GPHN: variants seen among roughly 807,000 people sequenced by gnomAD.
The protein encoded by GPHN is gephyrin.
Under a neutral mutation model 95.5 loss-of-function variants are expected in GPHN, and 17 were observed. The observed-to-expected ratio is 0.18, with a 90% confidence interval of 0.12 to 0.27. The LOEUF (loss-of-function observed/expected upper bound fraction) is 0.27, where lower values mean the gene tolerates loss of function less well. Ranked by LOEUF, GPHN falls within the 10% of genes least tolerant of loss-of-function variation. GPHN has a pLI of 1.00. For missense variants in GPHN, 660 were observed against 978.1 expected (o/e 0.67, Z 4.34); for synonymous variants, 320 against 322.5 (o/e 0.99, Z 0.08).
chr14:67,389,419 G>A, the GPHN span, among the ~76,000 whole-genome samples: 1 of 152,106 alleles, frequency 6.6e-6, no homozygotes, highest in Non-Finnish European at 1.5e-5. Flanking sequence ...GGAGTAAAGT[G>A]CGGAACAAAT....
chr14:67,658,043 C>T, the GPHN span, among the ~76,000 whole-genome samples: 5 of 152,258 alleles, frequency 3.3e-5, no homozygotes, highest in African/African-American at 1.2e-4. Context: ...GCCACTGTGC[C>T]CGGCGCTCTG....
chr14:67,435,456 C>T, the GPHN span, among the ~76,000 whole-genome samples: 1 of 152,202 alleles, frequency 6.6e-6, no homozygotes, highest in Admixed American at 6.5e-5. Context: ...TTGGAGGGGA[C>T]ATTCGAACCA....
At chr14:67,527,830 A>T in the GPHN span, among the ~76,000 whole-genome samples, 1 of 152,212 alleles carries the variant, frequency 6.6e-6, no homozygotes, top group Non-Finnish European at 1.5e-5. Context: ...GTAGTGGCTG[A>T]GCAAGAACTC....
the GPHN span, chr14:67,352,702 C>G: frequency 7.1e-6 from 3 of 423,116 alleles, no homozygotes; most frequent in Admixed American, 4.0e-5. Context: ...GAGAGGCAGG[C>G]GGGGGGCCAA....
intron 18 of GPHN, among the ~76,000 whole-genome samples, chr14:67,153,498 G>A (rs1357331169): frequency 1.3e-5 from 2 of 152,070 alleles, no homozygotes; most frequent in Admixed American, 6.5e-5. Flanking sequence ...CTACTCATGA[G>A]AACTCCACCC....
chr14:66,764,030 T>C (rs1007910918), intron 2 of GPHN, among the ~76,000 whole-genome samples: 1 of 152,226 alleles, frequency 6.6e-6, no homozygotes, highest in African/African-American at 2.4e-5. Context: ...AGCTCAGGGT[T>C]CCCACTGATT....
intron 2 of GPHN, among the ~76,000 whole-genome samples, chr14:66,756,132 T>C (rs2058547381): frequency 6.6e-6 from 1 of 152,180 alleles, no homozygotes; most frequent in African/African-American, 2.4e-5. Context: ...TTGAATATAT[T>C]CATGAATTTG....
At chr14:67,533,089 G>A in the GPHN span, among the ~76,000 whole-genome samples, 1 of 152,164 alleles carries the variant, frequency 6.6e-6, no homozygotes, top group Non-Finnish European at 1.5e-5. Context: ...CTCTCCGCGA[G>A]CTGCCTGGAG....
chr14:67,240,378 C>G, the GPHN span, among the ~76,000 whole-genome samples: 1 of 152,032 alleles, frequency 6.6e-6, no homozygotes, highest in African/African-American at 2.4e-5. Context: ...GGAAAAACAC[C>G]GTGGGACAAA....
chr14:66,705,028 T>C (rs1286758083), intron 2 of GPHN, among the ~76,000 whole-genome samples: 1 of 152,250 alleles, frequency 6.6e-6, no homozygotes, highest in Non-Finnish European at 1.5e-5. Context: ...TAGAGAATAC[T>C]ATAAACACCT....
chr14:67,463,671 T>A, the GPHN span, among the ~76,000 whole-genome samples: 1 of 149,024 alleles, frequency 6.7e-6, no homozygotes, highest in African/African-American at 2.5e-5. Context: ...AAAAGATTGC[T>A]GTGCCGAGCT....
chr14:67,294,793 CT>C, the GPHN span: 1 of 152,294 alleles, frequency 6.6e-6, no homozygotes, highest in Non-Finnish European at 1.5e-5. Flanking sequence ...CTGCCTCAGC[CT>C]TCGGAGTAGC....
intron 8 of GPHN, among the ~76,000 whole-genome samples, chr14:66,950,374 G>A (rs967554176): frequency 6.6e-6 from 1 of 152,040 alleles, no homozygotes; most frequent in Non-Finnish European, 1.5e-5. Context: ...TATATACATT[G>A]CCAAATTGCA....
the GPHN span, chr14:67,578,601 A>G: frequency 6.2e-7 from 1 of 1,611,330 alleles, no homozygotes; most frequent in Non-Finnish European, 8.5e-7. This position sits in a 1 kb window ranked among gnomAD's most constrained non-coding sequence, Gnocchi z 5.0. Context: ...TGGTATGTCA[A>G]GCAGCAGCTC....
At chr14:67,179,902 G>A (rs150789364) in intron 22 of GPHN, among the ~76,000 whole-genome samples, 14 of 152,296 alleles carry the variant, frequency 9.2e-5, no homozygotes, top group East Asian at 5.8e-4. Flanking sequence ...CATTTAGAAT[G>A]TCCACATATC....
intron 1 of GPHN, among the ~76,000 whole-genome samples, chr14:66,678,367 T>G (rs2066733789): frequency 6.6e-6 from 1 of 151,996 alleles, no homozygotes; most frequent in Admixed American, 6.5e-5. Context: ...AGTCGATTGT[T>G]GAAGCTTTCA....
the GPHN span, among the ~76,000 whole-genome samples, chr14:67,700,150 A>C: frequency 6.6e-6 from 1 of 152,044 alleles, no homozygotes; most frequent in Non-Finnish European, 1.5e-5. Context: ...GGATACTTGG[A>C]TTTAATTAAA....
At chr14:67,268,350 C>T in the GPHN span, among the ~76,000 whole-genome samples, 1 of 152,150 alleles carries the variant, frequency 6.6e-6, no homozygotes, top group African/African-American at 2.4e-5. Context: ...AAGGGGGTCC[C>T]GATCCAGATC....
intron 1 of GPHN, among the ~76,000 whole-genome samples, chr14:66,645,558 G>T (rs1410780072): frequency 1.3e-5 from 2 of 151,866 alleles, no homozygotes; most frequent in East Asian, 3.9e-4. Context: ...CAGCCGTGGT[G>T]GTGGGCACTT....
Sources: gnomAD v4.1 joint callset for allele counts (sites outside exome capture counted in the v4.1 genomes callset) on GRCh38, gnomAD v4.1.1 for gene constraint, Gnocchi (gnomAD v3.1) non-coding constraint, MANE v1.5 for transcripts, NCBI Gene and HGNC (gene_info 2026-07-23, HGNC 2026-07-21) for gene names.